Variants in STK33 observed in about 807,000 individuals in gnomAD.
STK33 encodes serine/threonine kinase 33.
A neutral mutation model predicts 58.0 loss-of-function variants in STK33; 52 were observed. The observed-to-expected ratio is 0.90, with a 90% CI of 0.72 to 1.13. The LOEUF (loss-of-function observed/expected upper bound fraction) is 1.13. Ranked by LOEUF, STK33 falls within the 50% of genes most tolerant of loss-of-function variation. The pLI is 0.00. For synonymous variants in STK33, 215 were observed against 200.1 expected, an observed-to-expected ratio of 1.07 and a Z score of -0.63; for missense variants, 630 against 604.2, an observed-to-expected ratio of 1.04 and a Z score of -0.45.
intron 1 of STK33, among the ~76,000 whole-genome samples, chr11:8,497,125 A>G (rs1951121182): frequency 6.6e-6 from 1 of 152,226 alleles, no homozygotes; most frequent in Admixed American, 6.5e-5. Context: ...GATACCATCA[A>G]TGTATCAACA....
intron 15 of STK33, among the ~76,000 whole-genome samples, chr11:8,402,708 T>C (rs956944870): frequency 2.0e-5 from 3 of 152,206 alleles, no homozygotes; most frequent in Admixed American, 6.5e-5. Context: ...ATGGCCACCA[T>C]GGTGCCCTCC....
intron 1 of STK33, among the ~76,000 whole-genome samples, chr11:8,503,489 T>G (rs1354017547): frequency 6.6e-6 from 1 of 152,016 alleles, no homozygotes; most frequent in Non-Finnish European, 1.5e-5. Context: ...GAGAGGAGTG[T>G]GAGGATTCAA....
At chr11:8,500,882 T>C (rs1001785074) in intron 1 of STK33, among the ~76,000 whole-genome samples, 6 of 152,118 alleles carry the variant, frequency 3.9e-5, no homozygotes, top group Non-Finnish European at 8.8e-5. Context: ...ACTATATACA[T>C]GTAAAAAACA....
At chr11:8,497,653 G>T (rs1438110845) in intron 1 of STK33, among the ~76,000 whole-genome samples, 1 of 151,992 alleles carries the variant, frequency 6.6e-6, no homozygotes, top group Non-Finnish European at 1.5e-5. Context: ...GTAGAGATGG[G>T]GTCTCACCGT....
In STK33 at chr11:8,473,158, T is replaced by C. The variant is rs1948940146; in HGVS notation, c.339+5A>G. On this transcript the variant is annotated splice_donor_5th_base_variant and intron_variant, in intron 6 of 15. Coordinates refer to ENST00000687296, the MANE Select transcript of STK33 (RefSeq NM_001352389.2). ...TCACAGTAGCTTCATTTGCTTTCTA[T>C]ATACCTCAATAGCAGCTCCATTCTC... is the stretch of plus-strand genomic sequence containing the variant. The C allele has an allele frequency of 6.3e-7, 1 of 1,596,628 alleles. No homozygotes were observed.
intron 1 of STK33, among the ~76,000 whole-genome samples, chr11:8,589,417 C>A (rs1313229361): frequency 6.6e-6 from 1 of 152,098 alleles, no homozygotes; most frequent in Non-Finnish European, 1.5e-5. Context: ...CAAAAGGCCA[C>A]ATATTGTATA....
intron 1 of STK33, among the ~76,000 whole-genome samples, chr11:8,489,858 C>T (rs1465380735): frequency 2.0e-5 from 3 of 151,954 alleles, no homozygotes; most frequent in African/African-American, 7.3e-5. Context: ...TTTGAGCAGG[C>T]AGAAGAAATA....
chr11:8,409,688 C>A (rs1397737455), intron 15 of STK33, among the ~76,000 whole-genome samples: 1 of 152,172 alleles, frequency 6.6e-6, no homozygotes, highest in Non-Finnish European at 1.5e-5. Flanking sequence ...TTTATTCCCA[C>A]ACTTATACCC....
intron 1 of STK33, among the ~76,000 whole-genome samples, chr11:8,555,979 A>T (rs768379489): frequency 2.0e-5 from 3 of 152,246 alleles, no homozygotes; most frequent in Non-Finnish European, 4.4e-5. Flanking sequence ...ATCAAATGTT[A>T]ACATCTGAAA....
intron 1 of STK33, among the ~76,000 whole-genome samples, chr11:8,576,425 T>G (rs1416675354): frequency 6.6e-6 from 1 of 152,182 alleles, no homozygotes; most frequent in African/African-American, 2.4e-5. Flanking sequence ...TCTAATGTAA[T>G]AAGAAGAAAT....
At chr11:8,576,789 A>C (rs1429505215) in intron 1 of STK33, among the ~76,000 whole-genome samples, 1 of 152,198 alleles carries the variant, frequency 6.6e-6, no homozygotes, top group African/African-American at 2.4e-5. Flanking sequence ...GACAGGCTTC[A>C]AAACCAGAAA....
intron 11 of STK33, among the ~76,000 whole-genome samples, chr11:8,452,362 G>A (rs1946391159): frequency 6.6e-6 from 1 of 152,168 alleles, no homozygotes; most frequent in Admixed American, 6.5e-5. Flanking sequence ...GGTAGGAACT[G>A]TAAGTAAAAT....
At chr11:8,515,308 C>T (rs1591569763) in intron 1 of STK33, among the ~76,000 whole-genome samples, 1 of 151,998 alleles carries the variant, frequency 6.6e-6, no homozygotes, top group Non-Finnish European at 1.5e-5. Context: ...AACTGGATAA[C>T]CTAGAAGAAA....
intron 1 of STK33, among the ~76,000 whole-genome samples, chr11:8,534,564 C>G (rs201859860): frequency 0.11 from 12,718 of 117,202 alleles, 718 homozygotes; most frequent in East Asian, 0.25. Context: ...CTCTCTCTCT[C>G]TCTCTGTGTG....
chr11:8,561,606 T>C (rs1957116526), intron 1 of STK33, among the ~76,000 whole-genome samples: 1 of 152,208 alleles, frequency 6.6e-6, no homozygotes, highest in Non-Finnish European at 1.5e-5. Context: ...TTCCCCATGA[T>C]ATATTTGAAA....
At chr11:8,517,058 T>C (rs993613378) in intron 1 of STK33, among the ~76,000 whole-genome samples, 1 of 152,076 alleles carries the variant, frequency 6.6e-6, no homozygotes, top group African/African-American at 2.4e-5. Context: ...GACCCCTGAG[T>C]AGCCTAACTG....
At chr11:8,461,172 T>C (rs1263003933) in intron 8 of STK33, among the ~76,000 whole-genome samples, 4 of 152,200 alleles carry the variant, frequency 2.6e-5, no homozygotes, top group African/African-American at 9.7e-5. Flanking sequence ...ACAGGCAATA[T>C]GATTCCACAG....
At chr11:8,337,794 C>T in the STK33 span, among the ~76,000 whole-genome samples, 1 of 152,150 alleles carries the variant, frequency 6.6e-6, no homozygotes, top group South Asian at 2.1e-4. Context: ...ATTTCCATTT[C>T]AGGGACTTCG....
At chr11:8,450,501 C>T (rs1946139632) in intron 11 of STK33, among the ~76,000 whole-genome samples, 1 of 151,898 alleles carries the variant, frequency 6.6e-6, no homozygotes, top group African/African-American at 2.4e-5. Context: ...CACATGTATA[C>T]CTATGTAACA....
Sources: allele counts gnomAD v4.1 joint callset (sites outside exome capture counted in the v4.1 genomes callset), GRCh38; gene constraint gnomAD v4.1.1; transcripts MANE v1.5; gene names NCBI Gene and HGNC (gene_info 2026-07-23, HGNC 2026-07-21).